Variants in IGF1R observed in about 807,000 individuals in gnomAD.
The protein encoded by IGF1R is insulin like growth factor 1 receptor.
IGF1R carries 44 observed loss-of-function variants against 144.6 expected under a neutral mutation model. The observed-to-expected ratio is 0.30, with a 90% CI of 0.24 to 0.39. The LOEUF is 0.39. Ranked by LOEUF, IGF1R falls within the 10% of genes least tolerant of loss-of-function variation. The pLI, the probability that IGF1R is intolerant of heterozygous loss-of-function variation, is 1.00. For missense variants in IGF1R, 1,355 were observed against 1,833.7 expected (o/e 0.74, Z 4.77); for synonymous variants, 795 against 722.8 (o/e 1.10, Z -1.60).
chr15:98,767,465 C>T (rs1244566706), intron 2 of IGF1R, among the ~76,000 whole-genome samples: 2 of 152,118 alleles, frequency 1.3e-5, no homozygotes, highest in Admixed American at 6.5e-5. Flanking sequence ...TCCACCTCTT[C>T]GTCATATTTT....
chr15:98,899,581 A>G lies in IGF1R; in HGVS notation c.1207A>G (p.Lys403Glu). 6.2e-7 allele frequency: 1 copy of G among 1,614,124 alleles called. No homozygotes were observed. Among genetic ancestry groups the G allele is most frequent in the Non-Finnish European group, 8.5e-7 (1 of 1,180,016 alleles). The change falls in exon 5 of 21, where the codon AAA becomes GAA. Residue 403 changes from lysine (K) to glutamate (E), a missense_variant. By Grantham distance (56) the Lys-to-Glu change is moderately conservative. Around this residue, in one of 7 missense-constraint regions of IGF1R, gnomAD observed 880 missense variants for 1,202.7 expected, o/e 0.73. Coordinates refer to ENST00000650285, the MANE Select transcript of IGF1R (RefSeq NM_000875.5). ...SHALVSLSFL[K>E]NLRLILGEEQ... Reference sequence around the variant, plus strand: ...TGCCTTGGTCTCCTTGTCCTTCCTAAAAAACCTTCGCCTCATCCTAGGAGA... The same window carrying G: ...TGCCTTGGTCTCCTTGTCCTTCCTAGAAAACCTTCGCCTCATCCTAGGAGA...
chr15:98,948,752 T>G lies in IGF1R; in HGVS notation c.3722+44T>G, dbSNP rs182933933. The G allele has an allele frequency of 2.6e-3, 4,238 of 1,605,100 alleles. 65 individuals carry two copies. The highest frequency in any genetic ancestry group is 0.025 in the South Asian group (2,304 of 90,892). On this transcript the variant is annotated intron_variant, in intron 20 of 20. Transcript: ENST00000650285. ...CTCCGTGCTCTTCTGAGTTCTCTTC[T>G]CAAATACCTGTTTTCTTGGGTCACA...
rs572979719 is a variant in IGF1R at position 98,814,877 on chromosome 15, A to G, written c.641-76448A>G. Among the ~76,000 whole-genome samples the G allele has an allele frequency of 2.0e-4, 30 of 152,328 alleles. No homozygotes were observed. The South Asian group carries it at 6.2e-3, about 32-fold the overall frequency. ...GGAAACAGGAAGAAGACTTGCTATG[A>G]TGCTTCCTTATATCTGTGGGGGAAA... On this transcript the variant is annotated intron_variant, in intron 2 of 20. Transcript: ENST00000650285.
chr15:98,664,008 C>T (rs1348472578), intron 1 of IGF1R, among the ~76,000 whole-genome samples: 1 of 152,220 alleles, frequency 6.6e-6, no homozygotes, highest in Non-Finnish European at 1.5e-5. Flanking sequence ...TGGGTGCTGC[C>T]TGTTCTGCCA....
At chr15:98,930,827 A>C (rs1047514778) in intron 15 of IGF1R, among the ~76,000 whole-genome samples, 1 of 151,996 alleles carries the variant, frequency 6.6e-6, no homozygotes, top group African/African-American at 2.4e-5. Context: ...GGTAATAACT[A>C]ATGAGGGCCA....
At chr15:98,866,171 C>T (rs1484883945) in intron 2 of IGF1R, among the ~76,000 whole-genome samples, 1 of 152,186 alleles carries the variant, frequency 6.6e-6, no homozygotes, top group African/African-American at 2.4e-5. Context: ...GACTCAGAGC[C>T]CAAATCTCAG....
rs957354926 is a variant in IGF1R, at chr15:98,715,096, T to G, written c.640+6989T>G. On this transcript the variant is annotated intron_variant, in intron 2 of 20. Coordinates refer to ENST00000650285, the MANE Select transcript of IGF1R (RefSeq NM_000875.5). ...AGCTGCTCCCAGTGTGGGGGTGATCTTTATTTAGAAGGGGGTCACATGCCC... is the reference window on the plus strand; with the variant it reads ...AGCTGCTCCCAGTGTGGGGGTGATCGTTATTTAGAAGGGGGTCACATGCCC... 2.0e-5 allele frequency among the ~76,000 whole-genome samples: 3 copies of G among 152,340 alleles called. No homozygotes were observed. In the East Asian group the frequency reaches 5.8e-4, roughly 29 times the overall value.
intron 2 of IGF1R, among the ~76,000 whole-genome samples, chr15:98,842,594 G>C (rs1405306247): frequency 2.0e-5 from 3 of 152,196 alleles, no homozygotes; most frequent in Non-Finnish European, 4.4e-5. Flanking sequence ...GGACAGTCAT[G>C]CAATTATTTT....
chr15:98,831,450 G>A (rs754435540), intron 2 of IGF1R, among the ~76,000 whole-genome samples: 130 of 152,156 alleles, frequency 8.5e-4, no homozygotes, highest in Non-Finnish European at 1.7e-3. Context: ...TCACCCTCTT[G>A]CCCTGGCTTG....
At chr15:98,784,227 G>A (rs1372604482) in intron 2 of IGF1R, among the ~76,000 whole-genome samples, 1 of 151,942 alleles carries the variant, frequency 6.6e-6, no homozygotes, top group Non-Finnish European at 1.5e-5. Flanking sequence ...GAGCCACCGT[G>A]CCCGGCCCCT....
intron 17 of IGF1R, 49 bp from the exon 18 acceptor site, chr15:98,939,152 A>G (rs74463083): frequency 1.3e-5 from 18 of 1,341,592 alleles, no homozygotes; most frequent in Admixed American, 1.8e-5. Flanking sequence ...ATTGGCATGG[A>G]AAAAAAAAAT....
At chr15:98,892,002 C>T (rs186428864) in intron 3 of IGF1R, among the ~76,000 whole-genome samples, 52 of 152,296 alleles carry the variant, frequency 3.4e-4, no homozygotes, top group Non-Finnish European at 8.8e-5. Flanking sequence ...CTGGGTGCTG[C>T]TAGCCAGGTG....
intron 2 of IGF1R, among the ~76,000 whole-genome samples, chr15:98,818,376 G>A (rs1176334330): frequency 6.6e-6 from 1 of 152,164 alleles, no homozygotes; most frequent in African/African-American, 2.4e-5. Flanking sequence ...AGAAGCACAA[G>A]AGTGGCACAC....
intron 2 of IGF1R, among the ~76,000 whole-genome samples, chr15:98,806,870 T>A (rs2056483155): frequency 6.6e-6 from 1 of 152,042 alleles, no homozygotes; most frequent in Non-Finnish European, 1.5e-5. Flanking sequence ...TCATGAAAAT[T>A]GGAGAATTGG....
At chr15:98,766,010 G>C (rs1283877682) in intron 2 of IGF1R, among the ~76,000 whole-genome samples, 1 of 152,202 alleles carries the variant, frequency 6.6e-6, no homozygotes, top group African/African-American at 2.4e-5. Flanking sequence ...GTGGGGACCT[G>C]GGTTAGGGCA....
chr15:98,959,249 C>T lies in IGF1R; in HGVS notation c.*1807C>T, dbSNP rs926727333. 1.7e-5 allele frequency: 4 copies of T among 233,490 alleles called. No individual in the cohort carries two copies. The highest frequency in any genetic ancestry group is 3.4e-5 in the Non-Finnish European group (4 of 117,988). 14.5% of individuals were successfully genotyped at this position (233,490 alleles called of 1,614,324 possible). Reference sequence around the variant, plus strand: ...ACAACAGCAGTGTTAACCGCAGACACTAGGCATTTGGATTACTATTTTTCT... The same window carrying T: ...ACAACAGCAGTGTTAACCGCAGACATTAGGCATTTGGATTACTATTTTTCT... On this transcript the variant is annotated 3_prime_UTR_variant, in exon 21 of 21. Coordinates refer to ENST00000650285, the MANE Select transcript of IGF1R (RefSeq NM_000875.5).
Position 98,960,872 on chromosome 15 carries a change from C to T in IGF1R, c.*3430C>T. The T allele has an allele frequency of 4.3e-6, 1 of 234,010 alleles. No homozygotes were observed. The highest frequency in any genetic ancestry group is 8.5e-6 in the Non-Finnish European group (1 of 118,286). 14.5% of individuals were successfully genotyped at this position (234,010 alleles called of 1,614,324 possible). A position where few individuals can be genotyped will look rare whatever the true frequency, so the allele number is the denominator to read the frequency against. ...TGTACCAAACCTTCCGGCTGGAAAG[C>T]CCAGTGGCCGGCGCCGAGGCTCGTG... On this transcript the variant is annotated 3_prime_UTR_variant, in exon 21 of 21. Coordinates refer to ENST00000650285, the MANE Select transcript of IGF1R (RefSeq NM_000875.5).
intron 2 of IGF1R, among the ~76,000 whole-genome samples, chr15:98,786,650 TTTGTTG>T (rs915986472): frequency 1.3e-5 from 2 of 152,164 alleles, no homozygotes; most frequent in Non-Finnish European, 2.9e-5. Flanking sequence ...ACTGTCTTTT[TTTGTTG>T]TTGTTGTTGC....
At chr15:98,751,615 C>T (rs2055014149) in intron 2 of IGF1R, among the ~76,000 whole-genome samples, 1 of 152,158 alleles carries the variant, frequency 6.6e-6, no homozygotes, top group South Asian at 2.1e-4. Flanking sequence ...CTCTGTTGTA[C>T]TACTTAATCT....
Sources: allele counts gnomAD v4.1 joint callset (sites outside exome capture counted in the v4.1 genomes callset), GRCh38; gene constraint gnomAD v4.1.1; regional missense constraint gnomAD v4.1.1; transcripts MANE v1.5; gene names NCBI Gene and HGNC (gene_info 2026-07-23, HGNC 2026-07-21).